Variants in GNAL observed in about 807,000 individuals in gnomAD.
GNAL encodes G protein subunit alpha L.
A neutral mutation model predicts 55.1 loss-of-function variants in GNAL; 18 were observed. The ratio of observed to expected loss-of-function variants is 0.33; its 90% CI spans 0.23 to 0.48. The LOEUF is 0.48. Among genes scored for constraint, GNAL ranks in the 20% least tolerant of loss-of-function variants. GNAL has a pLI of 0.99. For synonymous variants in GNAL, 253 were observed against 237.0 expected (o/e 1.07, Z -0.62); for missense variants, 412 against 614.1 (o/e 0.67, Z 3.48).
At chr18:11,803,270 T>G (rs529648946) in intron 4 of GNAL, among the ~76,000 whole-genome samples, 1 of 152,334 alleles carries the variant, frequency 6.6e-6, no homozygotes, top group South Asian at 2.1e-4. Flanking sequence ...ACGATGCTTC[T>G]ACTTTCTGTC....
intron 1 of GNAL, among the ~76,000 whole-genome samples, chr18:11,725,656 T>C (rs1284163219): frequency 1.3e-5 from 2 of 152,204 alleles, no homozygotes; most frequent in African/African-American, 4.8e-5. Context: ...CATCAAATAG[T>C]AGTTTGTTTA....
intron 4 of GNAL, among the ~76,000 whole-genome samples, chr18:11,761,542 G>A (rs1016025876): frequency 1.3e-5 from 2 of 152,082 alleles, no homozygotes; most frequent in Non-Finnish European, 2.9e-5. Context: ...CCACCATTTC[G>A]GCTTGGCCTG....
chr18:11,803,110 A>G (rs961734828), intron 4 of GNAL, among the ~76,000 whole-genome samples: 1 of 152,172 alleles, frequency 6.6e-6, no homozygotes, highest in African/African-American at 2.4e-5. Context: ...CATCTTAGTC[A>G]TTATTCAGTG....
chr18:11,885,422 C>G lies in GNAL; in HGVS notation c.*4287C>G. On this transcript the variant is annotated 3_prime_UTR_variant, in exon 12 of 12. Coordinates refer to ENST00000334049, the MANE Select transcript of GNAL (RefSeq NM_182978.4). ...AGAGTGTAAGAGGAGAGGATACGGC[C>G]CTCCCTGAAGGATAAAGTCCACCTG... 2.0e-6 allele frequency: 1 copy of G among 504,824 alleles called. No homozygotes were observed. The highest frequency in any genetic ancestry group is 3.5e-6 in the Non-Finnish European group (1 of 282,320). 31.3% of individuals were successfully genotyped at this position (504,824 alleles called of 1,614,324 possible).
intron 1 of GNAL, among the ~76,000 whole-genome samples, chr18:11,722,046 A>G (rs2032106966): frequency 6.6e-6 from 1 of 152,224 alleles, no homozygotes; most frequent in African/African-American, 2.4e-5. Context: ...ACTGAGCATC[A>G]TCGGTGTTAA....
chr18:11,833,984 C>T lies in GNAL; in HGVS notation c.722+8969C>T, dbSNP rs544858275. Among the ~76,000 whole-genome samples, 4 of 152,114 alleles carry T rather than the reference C, an allele frequency of 2.6e-5. No homozygotes were observed. The South Asian group carries it at 6.2e-4, about 24-fold the overall frequency. Reference sequence around the variant, plus strand: ...TGTTGCCTCCAAATGTGAGGCTCCCCGGGGTGCGGTTTAAAAACTAGTGCC... The same window carrying T: ...TGTTGCCTCCAAATGTGAGGCTCCCTGGGGTGCGGTTTAAAAACTAGTGCC... On this transcript the variant is annotated intron_variant, in intron 5 of 11. Transcript: ENST00000334049.
At chr18:11,773,909 C>T (rs1489345335) in intron 4 of GNAL, among the ~76,000 whole-genome samples, 2 of 152,206 alleles carry the variant, frequency 1.3e-5, no homozygotes, top group African/African-American at 4.8e-5. Context: ...TGCAATTGGT[C>T]TCACCTCTGC....
At chr18:11,828,545 G>C (rs2035305716) in intron 5 of GNAL, among the ~76,000 whole-genome samples, 1 of 152,130 alleles carries the variant, frequency 6.6e-6, no homozygotes, top group South Asian at 2.1e-4. Flanking sequence ...ATTTGAAGCT[G>C]TTGTGGAATA....
At chr18:11,785,869 C>T (rs1449719275) in intron 4 of GNAL, among the ~76,000 whole-genome samples, 2 of 152,178 alleles carry the variant, frequency 1.3e-5, no homozygotes, top group Admixed American at 6.5e-5. Context: ...TAAAGGCTTC[C>T]GCCCACCTTC....
chr18:11,723,230 C>T (rs1360867768), intron 1 of GNAL, among the ~76,000 whole-genome samples: 2 of 152,170 alleles, frequency 1.3e-5, no homozygotes, highest in Admixed American at 1.3e-4. Context: ...AACATGAAAA[C>T]AGGCCAAGGC....
At chr18:11,877,571 A>T (rs1283939193) in intron 11 of GNAL, among the ~76,000 whole-genome samples, 2 of 152,194 alleles carry the variant, frequency 1.3e-5, no homozygotes, top group Non-Finnish European at 2.9e-5. Context: ...TACAGCGTAT[A>T]GCTAGCTGTG....
At chr18:11,744,009 G>A (rs1040451200) in intron 1 of GNAL, among the ~76,000 whole-genome samples, 3 of 152,142 alleles carry the variant, frequency 2.0e-5, no homozygotes, top group South Asian at 2.1e-4. Context: ...TGTGGGATAC[G>A]CTTTTGTTTG....
At chr18:11,750,175 A>T (rs77909100) in intron 1 of GNAL, among the ~76,000 whole-genome samples, 1 of 152,094 alleles carries the variant, frequency 6.6e-6, no homozygotes, top group African/African-American at 2.4e-5. Flanking sequence ...TTGTAAGAAA[A>T]TGGAATCTGG....
chr18:11,859,792 C>T lies in GNAL; in HGVS notation c.723-2603C>T, dbSNP rs940950346. 2.1e-4 allele frequency among the ~76,000 whole-genome samples: 32 copies of T among 151,976 alleles called. 1 individual carries two copies. The highest frequency in any genetic ancestry group is 1.8e-3 in the Admixed American group (28 of 15,274). On this transcript the variant is annotated intron_variant, in intron 5 of 11. Coordinates refer to ENST00000334049, the MANE Select transcript of GNAL (RefSeq NM_182978.4). ...ACGGAGTCTCACTCTATCGCCCAGG[C>T]TGGAGTGCAGTGGTGTGATCTCGGC...
At chr18:11,705,204 C>T (rs897573178) in intron 1 of GNAL, among the ~76,000 whole-genome samples, 2 of 152,188 alleles carry the variant, frequency 1.3e-5, no homozygotes, top group African/African-American at 4.8e-5. Flanking sequence ...TGGAATCATG[C>T]AGTATTTCTC....
At chr18:11,778,277 TC>T (rs1183596821) in intron 4 of GNAL, among the ~76,000 whole-genome samples, 1 of 152,208 alleles carries the variant, frequency 6.6e-6, no homozygotes, top group Non-Finnish European at 1.5e-5. Flanking sequence ...AAGGGTTAAA[TC>T]CTCAGGAACA....
At chr18:11,764,901 G>A (rs2033358377) in intron 4 of GNAL, among the ~76,000 whole-genome samples, 1 of 152,216 alleles carries the variant, frequency 6.6e-6, no homozygotes. Flanking sequence ...TGTACATACT[G>A]AAGACTTTAT....
At chr18:11,737,906 T>G (rs2143466155) in intron 1 of GNAL, among the ~76,000 whole-genome samples, 1 of 152,278 alleles carries the variant, frequency 6.6e-6, no homozygotes, top group Admixed American at 6.5e-5. Context: ...CCCCTCACCC[T>G]GCCATTCCCC....
chr18:11,742,978 T>C (rs556502126), intron 1 of GNAL, among the ~76,000 whole-genome samples: 1 of 152,366 alleles, frequency 6.6e-6, no homozygotes, highest in African/African-American at 2.4e-5. Flanking sequence ...GGTGACAGCC[T>C]GTAGGTAGCA....
Sources: allele counts gnomAD v4.1 joint callset (sites outside exome capture counted in the v4.1 genomes callset), GRCh38; gene constraint gnomAD v4.1.1; transcripts MANE v1.5; gene names NCBI Gene and HGNC (gene_info 2026-07-23, HGNC 2026-07-21).